The following AATF variants were observed in gnomAD, a reference collection of about 807,000 sequenced individuals.
AATF encodes apoptosis antagonizing transcription factor, also known as protein AATF.
AATF carries 48 observed loss-of-function variants against 63.7 expected under a neutral mutation model. The observed-to-expected ratio is 0.75, with a 90% confidence interval of 0.60 to 0.96. The LOEUF (loss-of-function observed/expected upper bound fraction) is 0.96, where lower values mean the gene tolerates loss of function less well. AATF is among the 40% of genes least tolerant of loss of function. The probability of loss-of-function intolerance (pLI) is 0.00; values close to 1 mark genes in which losing one functional copy is unlikely to be tolerated. For synonymous variants in AATF, 258 were observed against 247.7 expected, an observed-to-expected ratio of 1.04 and a Z score of -0.39; for missense variants, 639 against 685.7, an observed-to-expected ratio of 0.93 and a Z score of 0.76.
intron 2 of AATF, among the ~76,000 whole-genome samples, chr17:36,950,832 A>G (rs1387235404): frequency 1.3e-5 from 2 of 152,160 alleles, no homozygotes; most frequent in East Asian, 3.8e-4. Flanking sequence ...TATACTCCTT[A>G]TGTTCGGACT....
chr17:37,006,529 G>A (rs2071342783), intron 8 of AATF, among the ~76,000 whole-genome samples: 1 of 152,092 alleles, frequency 6.6e-6, no homozygotes, highest in South Asian at 2.1e-4. Context: ...TTTATTTGTT[G>A]GAAACAGAAA....
At chr17:37,037,517 A>T (rs930889701) in intron 11 of AATF, among the ~76,000 whole-genome samples, 2 of 152,232 alleles carry the variant, frequency 1.3e-5, no homozygotes, top group Non-Finnish European at 2.9e-5. Flanking sequence ...TTCTAAGCTC[A>T]TCAAGGACCT....
At chr17:37,053,568 T>C (rs549671610) in intron 11 of AATF, among the ~76,000 whole-genome samples, 2 of 152,260 alleles carry the variant, frequency 1.3e-5, no homozygotes, top group South Asian at 4.1e-4. Flanking sequence ...AAAAAGGTGC[T>C]ATAAAATGTC....
rs1555652536 is a variant in AATF, at chr17:37,022,151, T to TGTGTGTGA, written c.1547+1138_1547+1139insTGTGTGAG. On this transcript the variant is annotated intron_variant, in intron 10 of 11. Transcript: ENST00000619387. ...GTGTGTGTGTGTGTGTGTGTGTGTG[T>TGTGTGTGA]GAGAAACACAGTGTCATCACACAAA... 1.7e-4 allele frequency among the ~76,000 whole-genome samples: 20 copies of TGTGTGTGA among 114,644 alleles called. No individual in the cohort carries two copies. In the East Asian group the frequency reaches 5.3e-3, roughly 30 times the overall value. The allele number at this position is 114,644 out of a possible 152,430, so 75.2% of individuals were successfully genotyped here. A position where few individuals can be genotyped will look rare whatever the true frequency, so the allele number is the denominator to read the frequency against.
chr17:37,018,845 C>T (rs982142390), intron 8 of AATF, 160 bp from the exon 9 acceptor site: 14 of 625,036 alleles, frequency 2.2e-5, no homozygotes, highest in East Asian at 1.9e-4. Context: ...ACTATGAAAG[C>T]GTTAACGGGA....
At chr17:36,992,301 A>G (rs1046438663) in intron 8 of AATF, among the ~76,000 whole-genome samples, 2 of 152,122 alleles carry the variant, frequency 1.3e-5, no homozygotes, top group African/African-American at 4.8e-5. Context: ...GGGTATAGGA[A>G]AAAAAGATTG....
chr17:36,956,518 C>G (rs1490645225), intron 4 of AATF, among the ~76,000 whole-genome samples: 1 of 151,274 alleles, frequency 6.6e-6, no homozygotes, highest in Non-Finnish European at 1.5e-5. Flanking sequence ...ACTGAAAATA[C>G]AAAAATTAGC....
At chr17:36,968,270 C>CTTTTTTTTTTTTTTTTTTTTTTTTTTTTT (rs3049638) in intron 4 of AATF, among the ~76,000 whole-genome samples, 1 of 23,766 alleles carries the variant, frequency 4.2e-5, no homozygotes, top group Non-Finnish European at 7.6e-5. Context: ...TTCCTTCTTT[C>CTTTTTTTTTTTTTTTTTTTTTTTTTTTTT]TTTTTTTTTT....
chr17:37,033,173 C>T (rs970944024), intron 11 of AATF, among the ~76,000 whole-genome samples: 1 of 152,138 alleles, frequency 6.6e-6, no homozygotes, highest in African/African-American at 2.4e-5. Flanking sequence ...TTGTGTCTGG[C>T]TTTGTGACCA....
chr17:37,048,001 G>A (rs773668982), intron 11 of AATF, among the ~76,000 whole-genome samples: 1 of 152,232 alleles, frequency 6.6e-6, no homozygotes, highest in East Asian at 1.9e-4. Context: ...ATCCTGTTAA[G>A]AAATAAGTCT....
chr17:37,048,614 G>A (rs1246241046), intron 11 of AATF, among the ~76,000 whole-genome samples: 7 of 151,832 alleles, frequency 4.6e-5, no homozygotes, highest in South Asian at 2.1e-4. Context: ...CAGGTGATCC[G>A]CCCACCTTGG....
At chr17:37,036,952 A>G (rs965977187) in intron 11 of AATF, among the ~76,000 whole-genome samples, 1 of 151,964 alleles carries the variant, frequency 6.6e-6, no homozygotes, top group African/African-American at 2.4e-5. Flanking sequence ...TGGCTTTGCT[A>G]AACCCTTGAT....
intron 11 of AATF, among the ~76,000 whole-genome samples, chr17:37,051,701 C>CAG (rs1419307354): frequency 2.0e-5 from 3 of 146,994 alleles, no homozygotes; most frequent in Admixed American, 1.4e-4. Flanking sequence ...CAGACAGACA[C>CAG]ACACACACAC....
At chr17:37,019,792 T>C (rs1218781880) in intron 9 of AATF, among the ~76,000 whole-genome samples, 4 of 152,192 alleles carry the variant, frequency 2.6e-5, no homozygotes, top group Non-Finnish European at 5.9e-5. Context: ...ATAATTTTAT[T>C]TAAGTAAAAT....
In AATF at chr17:37,010,389, C is replaced by T. The variant is rs572232886; in HGVS notation, c.1399-8616C>T. On this transcript the variant is annotated intron_variant, in intron 8 of 11. Transcript: ENST00000619387. Reference sequence around the variant, plus strand: ...AGGAGAATGGCGTGAACCCAGAAGGCGGAGCTTGCAGTGAGCCAAGATCGT... The same window carrying T: ...AGGAGAATGGCGTGAACCCAGAAGGTGGAGCTTGCAGTGAGCCAAGATCGT... 7.2e-5 allele frequency among the ~76,000 whole-genome samples: 11 copies of T among 152,222 alleles called. No individual in the cohort carries two copies. In the South Asian group the frequency reaches 1.2e-3, roughly 17 times the overall value.
At chr17:37,006,701 T>A (rs1275657447) in intron 8 of AATF, among the ~76,000 whole-genome samples, 2 of 152,228 alleles carry the variant, frequency 1.3e-5, no homozygotes, top group African/African-American at 2.4e-5. Flanking sequence ...TGGGGTCTGA[T>A]GAGAAAGTTT....
intron 4 of AATF, among the ~76,000 whole-genome samples, chr17:36,976,699 T>G (rs1227139921): frequency 6.6e-6 from 1 of 152,186 alleles, no homozygotes; most frequent in Non-Finnish European, 1.5e-5. Context: ...GAAGCTGCTT[T>G]TAAAGCATCA....
In AATF at chr17:37,031,673, A is replaced by C; in HGVS notation, c.1607A>C (p.Asn536Thr). ...GCACCTATTGACCATACTACAATGA[A>C]TGATGATGCCAGGTGAGTAATAGAT... is the stretch of plus-strand genomic sequence containing the variant. ...FMAPIDHTTM[N>T]DDARTELYRS... The change falls in exon 11 of 12, where the codon AAT (asparagine) becomes ACT (threonine). Residue 536 changes from asparagine to threonine, a missense_variant. Asn to Thr is a moderately conservative substitution (Grantham distance 65). Transcript: ENST00000619387. 1.2e-6 allele frequency: 2 copies of C among 1,613,968 alleles called. No homozygotes were observed. The highest frequency in any genetic ancestry group is 1.7e-6 in the Non-Finnish European group (2 of 1,179,816).
chr17:37,044,061 G>T (rs1217672075), intron 11 of AATF, among the ~76,000 whole-genome samples: 3 of 152,142 alleles, frequency 2.0e-5, no homozygotes, highest in Non-Finnish European at 2.9e-5. Context: ...TGTCTGAGAT[G>T]CTTTTAAAGG....
Sources: gnomAD v4.1 joint callset for allele counts (sites outside exome capture counted in the v4.1 genomes callset) on GRCh38, gnomAD v4.1.1 for gene constraint, MANE v1.5 for transcripts, NCBI Gene and HGNC (gene_info 2026-07-23, HGNC 2026-07-21) for gene names.